The following FBXO4 variants were observed in gnomAD, a reference collection of about 807,000 sequenced individuals.
The protein encoded by FBXO4 is F-box only protein 4.
FBXO4 carries 36 observed loss-of-function variants against 43.7 expected under a neutral mutation model. The observed-to-expected ratio is 0.82, with a 90% CI of 0.63 to 1.09. The LOEUF is 1.09. Ranked by LOEUF, FBXO4 falls within the 50% of genes least tolerant of loss-of-function variation. The pLI is 0.00. For synonymous variants in FBXO4, 180 were observed against 165.6 expected (o/e 1.09, Z -0.67); for missense variants, 435 against 474.1 (o/e 0.92, Z 0.77).
At chr5:42,036,549 T>A in the FBXO4 span, among the ~76,000 whole-genome samples, 2 of 152,076 alleles carry the variant, frequency 1.3e-5, no homozygotes, top group Non-Finnish European at 2.9e-5. Context: ...AAATCAGCCA[T>A]TAGTGAAATT....
At chr5:42,002,717 C>A in the FBXO4 span, among the ~76,000 whole-genome samples, 2 of 152,176 alleles carry the variant, frequency 1.3e-5, no homozygotes, top group African/African-American at 4.8e-5. Context: ...TTATCTATAT[C>A]TATCTATATT....
At chr5:41,970,426 G>T in the FBXO4 span, among the ~76,000 whole-genome samples, 1 of 151,850 alleles carries the variant, frequency 6.6e-6, no homozygotes, top group Non-Finnish European at 1.5e-5. Context: ...CTGTATAACA[G>T]AAGAAAACCA....
the FBXO4 span, among the ~76,000 whole-genome samples, chr5:42,034,553 A>G: frequency 6.6e-6 from 1 of 152,124 alleles, no homozygotes; most frequent in African/African-American, 2.4e-5. Context: ...AGGTGTAAGG[A>G]AGGGGTCCTG....
At chr5:41,936,056 T>A (rs964773770) in intron 5 of FBXO4, among the ~76,000 whole-genome samples, 2 of 152,266 alleles carry the variant, frequency 1.3e-5, no homozygotes, top group Non-Finnish European at 2.9e-5. Context: ...CGAAGTATGA[T>A]GCCTGTTTTT....
the FBXO4 span, among the ~76,000 whole-genome samples, chr5:41,986,994 G>A: frequency 6.6e-6 from 1 of 152,044 alleles, no homozygotes; most frequent in South Asian, 2.1e-4. Context: ...AATCCATTTA[G>A]CTTTAATGCC....
At chr5:42,001,943 C>A in the FBXO4 span, among the ~76,000 whole-genome samples, 1 of 152,124 alleles carries the variant, frequency 6.6e-6, no homozygotes, top group Non-Finnish European at 1.5e-5. Flanking sequence ...GCGATCTGCT[C>A]GCTTCAGTCT....
the FBXO4 span, among the ~76,000 whole-genome samples, chr5:42,016,879 CT>C: frequency 6.6e-6 from 1 of 151,950 alleles, no homozygotes; most frequent in Admixed American, 6.6e-5. Flanking sequence ...TTTAACCTAA[CT>C]TTTTTTGTTG....
At chr5:42,000,648 A>G in the FBXO4 span, among the ~76,000 whole-genome samples, 2 of 152,168 alleles carry the variant, frequency 1.3e-5, no homozygotes, top group Admixed American at 6.5e-5. Flanking sequence ...TATCCAAAAA[A>G]TCATTGCCAA....
chr5:41,950,337 G>A, the FBXO4 span, among the ~76,000 whole-genome samples: 2 of 152,004 alleles, frequency 1.3e-5, no homozygotes, highest in Non-Finnish European at 2.9e-5. Context: ...CTAATACCCA[G>A]AATCTACAAA....
At chr5:41,949,878 TGGA>T in the FBXO4 span, among the ~76,000 whole-genome samples, 1 of 151,964 alleles carries the variant, frequency 6.6e-6, no homozygotes. Flanking sequence ...TATAGACCAA[TGGA>T]ACAGAACAGA....
chr5:41,960,172 C>A, the FBXO4 span, among the ~76,000 whole-genome samples: 1 of 151,810 alleles, frequency 6.6e-6, no homozygotes, highest in African/African-American at 2.4e-5. Flanking sequence ...TTTTTGTTAA[C>A]GTGTAGAAAT....
In FBXO4 at chr5:41,939,429, T is replaced by C. The variant is rs1561172274; in HGVS notation, c.899-12T>C. On this transcript the variant is annotated splice_polypyrimidine_tract_variant and intron_variant, in intron 5 of 6. Coordinates refer to ENST00000281623, the MANE Select transcript of FBXO4 (RefSeq NM_012176.3). The stretch of plus-strand genomic sequence containing the variant: ...GTAATGCAAATTAAGGGTTTTGACT[T>C]ACATTCCTTAGGACATGAATGGCAA... 3 of 1,585,118 alleles carry C rather than the reference T, an allele frequency of 1.9e-6. No individual in the cohort carries two copies. In the South Asian group the frequency reaches 3.5e-5, roughly 18 times the overall value.
the FBXO4 span, among the ~76,000 whole-genome samples, chr5:41,948,817 G>A: frequency 6.6e-6 from 1 of 152,000 alleles, no homozygotes; most frequent in Non-Finnish European, 1.5e-5. Flanking sequence ...AGTTCTGCTG[G>A]TAACAAAATC....
At chr5:41,949,698 G>T in the FBXO4 span, among the ~76,000 whole-genome samples, 1 of 152,260 alleles carries the variant, frequency 6.6e-6, no homozygotes, top group African/African-American at 2.4e-5. Flanking sequence ...TTTCTTCACA[G>T]ATTTGGAAAA....
the FBXO4 span, among the ~76,000 whole-genome samples, chr5:42,029,368 C>T: frequency 2.6e-3 from 398 of 152,102 alleles, 4 homozygotes; most frequent in African/African-American, 9.1e-3. Flanking sequence ...ACTTTAGGAT[C>T]CTTCCTTTAT....
the FBXO4 span, among the ~76,000 whole-genome samples, chr5:42,013,615 T>C: frequency 3.3e-5 from 5 of 152,322 alleles, no homozygotes; most frequent in Admixed American, 3.3e-4. Flanking sequence ...CTCACTTCTA[T>C]TTCTCCAATC....
At chr5:41,955,173 T>C in the FBXO4 span, among the ~76,000 whole-genome samples, 1 of 152,220 alleles carries the variant, frequency 6.6e-6, no homozygotes. Context: ...CTTCTGCTTA[T>C]AGTTTTGCCT....
intron 5 of FBXO4, among the ~76,000 whole-genome samples, chr5:41,938,349 T>C (rs866189521): frequency 6.6e-6 from 1 of 152,032 alleles, no homozygotes; most frequent in Non-Finnish European, 1.5e-5. Context: ...TACTAAAAAA[T>C]GTATAATGAA....
At chr5:41,977,303 CT>C in the FBXO4 span, among the ~76,000 whole-genome samples, 3 of 152,006 alleles carry the variant, frequency 2.0e-5, no homozygotes, top group African/African-American at 4.8e-5. Flanking sequence ...CCTGAAAATG[CT>C]TTTTTTTCTC....
Sources: allele counts gnomAD v4.1 joint callset (sites outside exome capture counted in the v4.1 genomes callset), GRCh38; gene constraint gnomAD v4.1.1; transcripts MANE v1.5; gene names NCBI Gene and HGNC (gene_info 2026-07-23, HGNC 2026-07-21).